GPR89B: variants seen among roughly 807,000 people sequenced by gnomAD.
GPR89B encodes the protein G protein-coupled receptor 89B.
A neutral mutation model predicts 52.4 loss-of-function variants in GPR89B; 25 were observed. The observed-to-expected ratio is 0.48, with a 90% CI of 0.35 to 0.67. The LOEUF is 0.67. GPR89B is among the 30% of genes least tolerant of loss of function. The probability of loss-of-function intolerance (pLI) is 0.01; values close to 1 mark genes in which losing one functional copy is unlikely to be tolerated. For missense variants in GPR89B, 146 were observed against 450.2 expected (o/e 0.32, Z 6.11); for synonymous variants, 52 against 151.2 (o/e 0.34, Z 4.81).
intron 1 of GPR89B, among the ~76,000 whole-genome samples, chr1:147,929,679 G>A (rs1211065880): frequency 6.6e-6 from 1 of 152,208 alleles, no homozygotes; most frequent in Middle Eastern, 3.4e-3. Context: ...CCTAATACTC[G>A]TCTCCGTAGA....
At chr1:147,941,444 G>A (rs1405003314) in intron 3 of GPR89B, among the ~76,000 whole-genome samples, 1 of 151,994 alleles carries the variant, frequency 6.6e-6, no homozygotes, top group Non-Finnish European at 1.5e-5. Context: ...AGCTGTCAAT[G>A]TATCTAGTCT....
downstream of GPR89B, among the ~76,000 whole-genome samples, chr1:147,997,690 T>C (rs1241015531): frequency 6.6e-6 from 1 of 151,812 alleles, no homozygotes; most frequent in East Asian, 1.9e-4. Flanking sequence ...TGTATCTATA[T>C]CCTACTAGAT....
chr1:148,003,287 A>G, the GPR89B span, among the ~76,000 whole-genome samples: 18 of 152,088 alleles, frequency 1.2e-4, no homozygotes, highest in Non-Finnish European at 1.8e-4. Flanking sequence ...TGTTCTTCCT[A>G]TTGAGTTGCA....
intron 1 of GPR89B, among the ~76,000 whole-genome samples, chr1:147,935,321 T>C (rs1325047818): frequency 6.6e-6 from 1 of 152,054 alleles, no homozygotes; most frequent in Admixed American, 6.5e-5. Context: ...AGGGGCATGA[T>C]AAGAAGCTAA....
the GPR89B span, among the ~76,000 whole-genome samples, chr1:148,025,066 C>T: frequency 2.3e-3 from 349 of 151,968 alleles, 5 homozygotes; most frequent in African/African-American, 4.1e-3. Context: ...TTCACCCCCG[C>T]CCCCAGTTAA....
At chr1:147,983,661 A>G (rs2149090599) in intron 10 of GPR89B, among the ~76,000 whole-genome samples, 1 of 152,100 alleles carries the variant, frequency 6.6e-6, no homozygotes, top group Admixed American at 6.5e-5. Context: ...GGCAATCATT[A>G]AAAAGTCAGG....
chr1:148,007,532 A>C, the GPR89B span, among the ~76,000 whole-genome samples: 1 of 150,114 alleles, frequency 6.7e-6, no homozygotes, highest in Non-Finnish European at 1.5e-5. Context: ...GAATATTTCA[A>C]ATCTTCTTAC....
chr1:148,008,552 C>T, the GPR89B span, among the ~76,000 whole-genome samples: 1 of 152,152 alleles, frequency 6.6e-6, no homozygotes, highest in South Asian at 2.1e-4. Context: ...TCTCCAGCCC[C>T]AGAAAGAACA....
chr1:147,992,344 T>G (rs1378218963), intron 12 of GPR89B, among the ~76,000 whole-genome samples, 158 bp from the exon 13 acceptor site: 5 of 149,074 alleles, frequency 3.4e-5, no homozygotes, highest in Non-Finnish European at 7.4e-5. Flanking sequence ...GCAGTCTATT[T>G]TAAGTCTCTT....
intron 5 of GPR89B, among the ~76,000 whole-genome samples, chr1:147,953,128 A>G (rs1655850671): frequency 6.6e-6 from 1 of 150,402 alleles, no homozygotes; most frequent in East Asian, 1.9e-4. Flanking sequence ...CTATCACCCA[A>G]TAAAAGAGAT....
At chr1:147,952,284 T>C (rs1655778878) in intron 5 of GPR89B, among the ~76,000 whole-genome samples, 1 of 151,938 alleles carries the variant, frequency 6.6e-6, no homozygotes, top group South Asian at 2.1e-4. Flanking sequence ...AGGCAGAGTG[T>C]TAGACTGATC....
At chr1:147,949,667 G>T (rs1553250538) in intron 5 of GPR89B, among the ~76,000 whole-genome samples, 5 of 132,170 alleles carry the variant, frequency 3.8e-5, no homozygotes, top group Non-Finnish European at 4.8e-5. Flanking sequence ...TGGCCGGGCG[G>T]GGGGCTGACC....
chr1:148,013,183 A>C, the GPR89B span, among the ~76,000 whole-genome samples: 7 of 152,208 alleles, frequency 4.6e-5, no homozygotes, highest in African/African-American at 1.7e-4. Flanking sequence ...CAAAAGGAAG[A>C]TAGGCATTCA....
the GPR89B span, among the ~76,000 whole-genome samples, chr1:148,018,446 A>T: frequency 6.6e-6 from 1 of 150,688 alleles, no homozygotes; most frequent in Non-Finnish European, 1.5e-5. Context: ...AGAAAAGAAA[A>T]AAAAGGCAGG....
chr1:147,943,357 A>G (rs1221007563), intron 3 of GPR89B, 81 bp from the exon 4 acceptor site: 1 of 1,595,828 alleles, frequency 6.3e-7, no homozygotes, highest in Non-Finnish European at 8.5e-7. Flanking sequence ...CCAAGAGCAA[A>G]AGGACCCTTT....
chr1:147,953,172 G>A (rs1392445486), intron 5 of GPR89B, among the ~76,000 whole-genome samples, 173 bp from the exon 6 acceptor site: 2 of 151,524 alleles, frequency 1.3e-5, no homozygotes, highest in African/African-American at 4.8e-5. Flanking sequence ...AGGAAAATCA[G>A]TAAACTTTTA....
chr1:147,952,174 G>C (rs1190046024), intron 5 of GPR89B, among the ~76,000 whole-genome samples: 1 of 152,144 alleles, frequency 6.6e-6, no homozygotes, highest in Non-Finnish European at 1.5e-5. Flanking sequence ...TTAGTCAATA[G>C]TGTGAGAGCT....
intron 1 of GPR89B, among the ~76,000 whole-genome samples, chr1:147,933,077 CTAATAATAT>C (rs1553247304): frequency 2.6e-5 from 4 of 152,198 alleles, no homozygotes; most frequent in Admixed American, 6.5e-5. Context: ...TAAAAGTTAC[CTAATAATAT>C]TAATAATAGT....
intron 5 of GPR89B, among the ~76,000 whole-genome samples, chr1:147,949,262 A>G (rs1463607886): frequency 1.2e-4 from 18 of 151,634 alleles, no homozygotes; most frequent in African/African-American, 3.6e-4. Flanking sequence ...GCCCGGTCTC[A>G]ATGAGCTGTT....
Sources: allele counts gnomAD v4.1 joint callset (sites outside exome capture counted in the v4.1 genomes callset), GRCh38; gene constraint gnomAD v4.1.1; transcripts MANE v1.5; gene names NCBI Gene and HGNC (gene_info 2026-07-23, HGNC 2026-07-21).